The following CCDC85C variants were observed in gnomAD, a reference collection of about 807,000 sequenced individuals.
CCDC85C encodes the protein coiled-coil domain containing 85C, also known as coiled-coil domain-containing protein 85C.
In CCDC85C, 18 loss-of-function variants were observed where a neutral mutation model predicts 38.3. The ratio of observed to expected loss-of-function variants is 0.47; its 90% CI spans 0.33 to 0.70. The LOEUF is 0.70. CCDC85C is among the 30% of genes least tolerant of loss of function. The probability of loss-of-function intolerance (pLI) is 0.03; values close to 1 mark genes in which losing one functional copy is unlikely to be tolerated. For missense variants in CCDC85C, 566 were observed against 621.2 expected, an observed-to-expected ratio of 0.91 and a Z score of 0.94; for synonymous variants, 264 against 293.8, an observed-to-expected ratio of 0.90 and a Z score of 1.04.
In CCDC85C at chr14:99,501,942, A is replaced by G. The variant is rs748037008; in HGVS notation, c.*13304T>C. ...GGATTTCAACAGTTTAAATAACATAAGTCATTTTCATTGGTGTAGCAATTT... is the reference window on the plus strand; with the variant it reads ...GGATTTCAACAGTTTAAATAACATAGGTCATTTTCATTGGTGTAGCAATTT... On this transcript the variant is annotated 3_prime_UTR_variant, in exon 6 of 6. Coordinates refer to ENST00000380243, the MANE Select transcript of CCDC85C (RefSeq NM_001144995.2). 1.9e-5 allele frequency: 6 copies of G among 316,604 alleles called. No homozygotes were observed. The highest frequency in any genetic ancestry group is 3.4e-5 in the Non-Finnish European group (6 of 174,528). 19.6% of individuals were successfully genotyped at this position (316,604 alleles called of 1,614,324 possible).
At chr14:99,530,653 A>T (rs1897474649) in intron 2 of CCDC85C, among the ~76,000 whole-genome samples, 1 of 152,264 alleles carries the variant, frequency 6.6e-6, no homozygotes, top group Non-Finnish European at 1.5e-5. Context: ...CCCAAGGGAC[A>T]GCAGAGGGCA....
intron 3 of CCDC85C, 103 bp downstream of exon 3, chr14:99,522,030 C>T: frequency 2.3e-6 from 2 of 855,222 alleles, no homozygotes; most frequent in Non-Finnish European, 3.7e-6. Context: ...TGGGGCTGAA[C>T]TCAGGCACCC....
intron 1 of CCDC85C, among the ~76,000 whole-genome samples, chr14:99,560,507 G>A (rs988477107): frequency 5.3e-5 from 8 of 152,170 alleles, no homozygotes; most frequent in Non-Finnish European, 1.2e-4. Context: ...TATGCCAGGC[G>A]CCAGGCCCGG....
chr14:99,578,501 G>A (rs577403728), intron 1 of CCDC85C, among the ~76,000 whole-genome samples: 3 of 151,992 alleles, frequency 2.0e-5, no homozygotes, highest in South Asian at 4.2e-4. Context: ...GTGTGTGTAT[G>A]TCAACTCCCA....
chr14:99,550,174 G>A (rs1897881260), intron 1 of CCDC85C, among the ~76,000 whole-genome samples: 1 of 152,218 alleles, frequency 6.6e-6, no homozygotes, highest in Non-Finnish European at 1.5e-5. Flanking sequence ...AATGCTATCT[G>A]ACCTGGCAAA....
In CCDC85C at chr14:99,533,407, T is replaced by C. The variant is rs959245592; in HGVS notation, c.867+2608A>G. On this transcript the variant is annotated intron_variant, in intron 2 of 5. Coordinates refer to ENST00000380243, the MANE Select transcript of CCDC85C (RefSeq NM_001144995.2). The surrounding 1 kb of genome is among the most constrained non-coding windows in gnomAD (Gnocchi z 4.2). The stretch of plus-strand genomic sequence containing the variant: ...TCCAGCAGCATGGCTTGACTGGGCA[T>C]CATTTGGTGAGAAAGCAAATTTCTG... Among the ~76,000 whole-genome samples the C allele has an allele frequency of 1.3e-5, 2 of 152,250 alleles. No individual in the cohort carries two copies. Among genetic ancestry groups the C allele is most frequent in the Non-Finnish European group, 2.9e-5 (2 of 68,028 alleles).
intron 1 of CCDC85C, among the ~76,000 whole-genome samples, chr14:99,539,817 A>C (rs1023361714): frequency 1.3e-5 from 2 of 152,212 alleles, no homozygotes; most frequent in Admixed American, 1.3e-4. Context: ...TTTTCAAATA[A>C]TCGACTTGTA....
chr14:99,598,751 C>A (rs1040092754), intron 1 of CCDC85C, among the ~76,000 whole-genome samples: 1 of 152,168 alleles, frequency 6.6e-6, no homozygotes, highest in Admixed American at 6.5e-5. Flanking sequence ...AGCAAGTCAC[C>A]GCACCACCAC....
rs988461084 is a variant in CCDC85C, at chr14:99,603,017, G to T, written c.793+150C>A. On this transcript the variant is annotated intron_variant, in intron 1 of 5. Transcript: ENST00000380243. This position sits in a 1 kb window ranked among gnomAD's most constrained non-coding sequence, Gnocchi z 7.5. ...AAAGCCCCACTTTGGGTGAGTGCGG[G>T]ATCCCCTGGCCCAGGATCCATGACA... is the stretch of plus-strand genomic sequence containing the variant. The T allele has an allele frequency of 1.1e-5, 12 of 1,076,812 alleles. No homozygotes were observed. The African/African-American group carries it at 1.5e-4, about 13-fold the overall frequency. 66.7% of individuals were successfully genotyped at this position (1,076,812 alleles called of 1,614,324 possible).
intron 2 of CCDC85C, among the ~76,000 whole-genome samples, chr14:99,527,856 AGT>A (rs1028736351): frequency 1.3e-5 from 2 of 152,098 alleles, no homozygotes; most frequent in African/African-American, 4.8e-5. Context: ...CTCACTTCAA[AGT>A]GGGGATTAGC....
At chr14:99,551,392 C>CAAGTGAGCAGGTGAATGA (rs2139937363) in intron 1 of CCDC85C, among the ~76,000 whole-genome samples, 1 of 151,832 alleles carries the variant, frequency 6.6e-6, no homozygotes, top group African/African-American at 2.4e-5. Context: ...CAGGTGAATG[C>CAAGTGAGCAGGTGAATGA]GTGAGCAAGT....
At chr14:99,546,041 A>G (rs2139931338) in intron 1 of CCDC85C, among the ~76,000 whole-genome samples, 1 of 149,048 alleles carries the variant, frequency 6.7e-6, no homozygotes, top group African/African-American at 2.6e-5. Flanking sequence ...CTAATCGCGC[A>G]GGACTGAAGT....
chr14:99,513,479 G>A lies in CCDC85C; in HGVS notation c.*1767C>T, dbSNP rs1897171323. On this transcript the variant is annotated 3_prime_UTR_variant, in exon 6 of 6. Coordinates refer to ENST00000380243, the MANE Select transcript of CCDC85C (RefSeq NM_001144995.2). ...AGCCTCCTGGCAACACCCACGGCAG[G>A]AGCGCCACACCATCCCATCACCAGC... The A allele has an allele frequency of 6.6e-6, 1 of 152,338 alleles. No individual in the cohort carries two copies. The highest frequency in any genetic ancestry group is 2.4e-5 in the African/African-American group (1 of 41,468). 9.4% of individuals were successfully genotyped at this position (152,338 alleles called of 1,614,324 possible). A position where few individuals can be genotyped will look rare whatever the true frequency, so the allele number is the denominator to read the frequency against.
chr14:99,590,539 C>T (rs969296208), intron 1 of CCDC85C, among the ~76,000 whole-genome samples: 2 of 152,148 alleles, frequency 1.3e-5, no homozygotes, highest in Non-Finnish European at 2.9e-5. Context: ...CTACCATCAA[C>T]ACTGCCATTG....
rs1212307981 is a variant in CCDC85C, at chr14:99,510,645, C to T, written c.*4601G>A. The T allele has an allele frequency of 3.5e-6, 5 of 1,417,336 alleles. No individual in the cohort carries two copies. Among genetic ancestry groups the T allele is most frequent in the Non-Finnish European group, 4.6e-6 (5 of 1,086,834 alleles). 87.8% of individuals were successfully genotyped at this position (1,417,336 alleles called of 1,614,324 possible). A position where few individuals can be genotyped will look rare whatever the true frequency, so the allele number is the denominator to read the frequency against. On this transcript the variant is annotated 3_prime_UTR_variant, in exon 6 of 6. Coordinates refer to ENST00000380243, the MANE Select transcript of CCDC85C (RefSeq NM_001144995.2). Reference sequence around the variant, plus strand: ...CCACGCAGTCCCCCCTCATCCTCCTCCAGGGTTGGGCCTGCCGCCAGCCAG... The same window carrying T: ...CCACGCAGTCCCCCCTCATCCTCCTTCAGGGTTGGGCCTGCCGCCAGCCAG...
Position 99,501,194 on chromosome 14 carries a change from G to T in CCDC85C, c.*14052C>A. On this transcript the variant is annotated 3_prime_UTR_variant, in exon 6 of 6. Coordinates refer to ENST00000380243, the MANE Select transcript of CCDC85C (RefSeq NM_001144995.2). ...GCGTAGGTCATGAGGAGGAAGAAGG[G>T]GTAGGATGTGGACCCACATCATTCA... The T allele has an allele frequency of 1.6e-6, 1 of 626,544 alleles. No homozygotes were observed. Among genetic ancestry groups the T allele is most frequent in the Non-Finnish European group, 2.8e-6 (1 of 352,594 alleles). The allele number at this position is 626,544 out of a possible 1,614,324, so 38.8% of individuals were successfully genotyped here.
intron 2 of CCDC85C, among the ~76,000 whole-genome samples, chr14:99,523,900 G>C (rs887511023): frequency 6.6e-6 from 1 of 152,030 alleles, no homozygotes; most frequent in Non-Finnish European, 1.5e-5. Context: ...ACGGCCCGCA[G>C]GTGGAGGTCA....
chr14:99,525,300 G>A (rs978931078), intron 2 of CCDC85C, among the ~76,000 whole-genome samples: 2 of 152,208 alleles, frequency 1.3e-5, no homozygotes, highest in African/African-American at 4.8e-5. Flanking sequence ...GTCCTGCAGC[G>A]AATGCCTGCC....
At chr14:99,559,482 A>G (rs1898074596) in intron 1 of CCDC85C, among the ~76,000 whole-genome samples, 1 of 121,426 alleles carries the variant, frequency 8.2e-6, no homozygotes, top group Non-Finnish European at 1.6e-5. Flanking sequence ...AATTCCAGAC[A>G]CACTTCGTCA....
Sources: gnomAD v4.1 joint callset for allele counts (sites outside exome capture counted in the v4.1 genomes callset) on GRCh38, gnomAD v4.1.1 for gene constraint, Gnocchi (gnomAD v3.1) non-coding constraint, MANE v1.5 for transcripts, NCBI Gene and HGNC (gene_info 2026-07-23, HGNC 2026-07-21) for gene names.